CNTNAP5: variants seen among roughly 807,000 people sequenced by gnomAD.
The protein encoded by CNTNAP5 is contactin-associated protein-like 5.
CNTNAP5 carries 72 observed loss-of-function variants against 150.2 expected under a neutral mutation model. The observed-to-expected ratio is 0.48, with a 90% CI of 0.40 to 0.58. The LOEUF is 0.58. Among genes scored for constraint, CNTNAP5 ranks in the 20% least tolerant of loss-of-function variants. The probability of loss-of-function intolerance (pLI) is 0.00; values close to 1 mark genes in which losing one functional copy is unlikely to be tolerated. For missense variants in CNTNAP5, 1,636 were observed against 1,626.2 expected, an observed-to-expected ratio of 1.01 and a Z score of -0.10; for synonymous variants, 672 against 619.8, an observed-to-expected ratio of 1.08 and a Z score of -1.25.
intron 13 of CNTNAP5, among the ~76,000 whole-genome samples, chr2:124,688,142 T>C (rs1284461632): frequency 6.6e-6 from 1 of 152,092 alleles, no homozygotes; most frequent in Non-Finnish European, 1.5e-5. Context: ...TTTCATACTA[T>C]AACTTAACTC....
At chr2:124,752,554 A>T (rs1680750107) in intron 14 of CNTNAP5, among the ~76,000 whole-genome samples, 1 of 152,184 alleles carries the variant, frequency 6.6e-6, no homozygotes, top group South Asian at 2.1e-4. Context: ...GAAAGCTTTA[A>T]CTACCCGTCG....
intron 19 of CNTNAP5, among the ~76,000 whole-genome samples, chr2:124,847,920 A>G (rs1370405513): frequency 1.9e-4 from 29 of 152,176 alleles, no homozygotes; most frequent in Non-Finnish European, 5.9e-5. Flanking sequence ...TTAAGCATAA[A>G]GTGTCTCTTT....
intron 7 of CNTNAP5, among the ~76,000 whole-genome samples, chr2:124,475,459 C>A (rs1310889400): frequency 6.6e-6 from 1 of 152,012 alleles, no homozygotes; most frequent in African/African-American, 2.4e-5. Flanking sequence ...TAACAGAGTG[C>A]CTTAAACGTT....
chr2:124,611,189 A>C (rs1485542400), intron 12 of CNTNAP5, among the ~76,000 whole-genome samples: 2 of 152,180 alleles, frequency 1.3e-5, no homozygotes, highest in Non-Finnish European at 2.9e-5. Flanking sequence ...GTAGGCAGAC[A>C]CTGTTTTAGA....
intron 21 of CNTNAP5, among the ~76,000 whole-genome samples, chr2:124,890,681 A>T (rs993129904): frequency 6.6e-6 from 1 of 152,130 alleles, no homozygotes; most frequent in South Asian, 2.1e-4. Flanking sequence ...ATGTAGCCTT[A>T]AATAAAAGGC....
intron 1 of CNTNAP5, among the ~76,000 whole-genome samples, chr2:124,059,350 AG>A (rs1428498694): frequency 1.3e-5 from 2 of 152,196 alleles, no homozygotes; most frequent in African/African-American, 2.4e-5. Context: ...AAAGTAAATA[AG>A]GTCTCCCTCT....
At chr2:124,797,955 A>G in intron 18 of CNTNAP5, 141 bp from the exon 19 acceptor site, 1 of 628,964 alleles carries the variant, frequency 1.6e-6, no homozygotes, top group Non-Finnish European at 2.8e-6. Flanking sequence ...CTTCAAAATT[A>G]TTGTGGGGAA....
At chr2:124,867,658 C>G (rs563632113) in intron 20 of CNTNAP5, among the ~76,000 whole-genome samples, 7 of 152,228 alleles carry the variant, frequency 4.6e-5, no homozygotes, top group South Asian at 2.1e-4. Flanking sequence ...AAACTCTACC[C>G]CAAGGAACTC....
intron 13 of CNTNAP5, among the ~76,000 whole-genome samples, chr2:124,698,140 T>C (rs1679444016): frequency 6.6e-6 from 1 of 152,146 alleles, no homozygotes; most frequent in Non-Finnish European, 1.5e-5. Flanking sequence ...CTCAGATTCA[T>C]ATTTTAAGGG....
intron 3 of CNTNAP5, among the ~76,000 whole-genome samples, chr2:124,303,647 G>T (rs922651759): frequency 1.3e-5 from 2 of 152,106 alleles, no homozygotes; most frequent in African/African-American, 2.4e-5. Context: ...GAGTAAAAAA[G>T]GTTTAAAAGA....
chr2:124,561,718 A>G (rs1695897881), intron 10 of CNTNAP5, among the ~76,000 whole-genome samples: 1 of 152,186 alleles, frequency 6.6e-6, no homozygotes, highest in Admixed American at 6.5e-5. Flanking sequence ...AAAATTTCTA[A>G]TATGTCTGAA....
At chr2:124,268,222 T>C (rs1174291063) in intron 3 of CNTNAP5, among the ~76,000 whole-genome samples, 2 of 152,158 alleles carry the variant, frequency 1.3e-5, no homozygotes, top group Non-Finnish European at 2.9e-5. Context: ...TGTGTGAGCA[T>C]TGTAATTGGA....
At chr2:124,690,788 CT>C (rs1679285245) in intron 13 of CNTNAP5, among the ~76,000 whole-genome samples, 1 of 152,070 alleles carries the variant, frequency 6.6e-6, no homozygotes. Flanking sequence ...TCCTCAAAGC[CT>C]TCCTTAATGT....
intron 1 of CNTNAP5, among the ~76,000 whole-genome samples, chr2:124,148,844 A>G (rs1010042865): frequency 6.0e-5 from 9 of 149,626 alleles, no homozygotes; most frequent in Admixed American, 4.7e-4. Context: ...CACAGACACT[A>G]TGCATCTATA....
In CNTNAP5 at chr2:124,458,434, C is replaced by T. The variant is rs567141730; in HGVS notation, c.918+11497C>T. On this transcript the variant is annotated intron_variant, in intron 6 of 23. Transcript: ENST00000682447. ...AACTCAGGAATGGAAAACCAAACATCGTCTGTTCCTACTCGTATGTGGTTG... is the reference window on the plus strand; with the variant it reads ...AACTCAGGAATGGAAAACCAAACATTGTCTGTTCCTACTCGTATGTGGTTG... 5.9e-5 allele frequency among the ~76,000 whole-genome samples: 9 copies of T among 151,500 alleles called. No individual in the cohort carries two copies. In the South Asian group the frequency reaches 1.7e-3, roughly 28 times the overall value.
At chr2:124,087,059 T>C (rs1465419505) in intron 1 of CNTNAP5, among the ~76,000 whole-genome samples, 1 of 151,872 alleles carries the variant, frequency 6.6e-6, no homozygotes, top group Non-Finnish European at 1.5e-5. Flanking sequence ...TTTATCAGTC[T>C]GAATAAAATA....
At chr2:124,312,050 C>T (rs557803552) in intron 3 of CNTNAP5, among the ~76,000 whole-genome samples, 8 of 152,222 alleles carry the variant, frequency 5.3e-5, no homozygotes, top group African/African-American at 1.7e-4. Context: ...CCTGGAACAG[C>T]AAAGGTAATA....
At chr2:124,096,881 T>G (rs1682951734) in intron 1 of CNTNAP5, among the ~76,000 whole-genome samples, 1 of 150,862 alleles carries the variant, frequency 6.6e-6, no homozygotes, top group African/African-American at 2.4e-5. Context: ...TTTTTGATAT[T>G]TTAGTAGAGA....
intron 3 of CNTNAP5, among the ~76,000 whole-genome samples, chr2:124,391,818 C>A (rs4517981): frequency 6.6e-6 from 1 of 151,366 alleles, no homozygotes; most frequent in Non-Finnish European, 1.5e-5. Context: ...TAGCCGGGCG[C>A]GGTGGCGGGC....
Sources: allele counts gnomAD v4.1 joint callset (sites outside exome capture counted in the v4.1 genomes callset), GRCh38; gene constraint gnomAD v4.1.1; transcripts MANE v1.5; gene names NCBI Gene and HGNC (gene_info 2026-07-23, HGNC 2026-07-21).